Variants in AGBL4 observed in about 807,000 individuals in gnomAD.
The protein encoded by AGBL4 is cytosolic carboxypeptidase 6.
AGBL4 carries 58 observed loss-of-function variants against 66.4 expected under a neutral mutation model. The observed-to-expected ratio is 0.87, with a 90% CI of 0.71 to 1.09. The LOEUF is 1.09. AGBL4 is among the 50% of genes least tolerant of loss of function. The pLI, the probability that AGBL4 is intolerant of heterozygous loss-of-function variation, is 0.00. For missense variants in AGBL4, 579 were observed against 631.0 expected, an observed-to-expected ratio of 0.92 and a Z score of 0.88; for synonymous variants, 234 against 222.9, an observed-to-expected ratio of 1.05 and a Z score of -0.44.
At chr1:49,369,720 A>T (rs1050080856) in intron 3 of AGBL4, among the ~76,000 whole-genome samples, 2 of 152,124 alleles carry the variant, frequency 1.3e-5, no homozygotes, top group Non-Finnish European at 2.9e-5. Context: ...AAGATGAGGA[A>T]AAAAACACTG....
intron 2 of AGBL4, among the ~76,000 whole-genome samples, chr1:49,838,483 G>A (rs971810407): frequency 1.3e-5 from 2 of 152,144 alleles, no homozygotes; most frequent in Admixed American, 1.3e-4. Context: ...GGTGGAAAAT[G>A]GAATTAATTG....
chr1:50,022,181 A>G (rs1314781263), intron 1 of AGBL4, among the ~76,000 whole-genome samples: 1 of 152,218 alleles, frequency 6.6e-6, no homozygotes, highest in African/African-American at 2.4e-5. Context: ...GAAAAGTTCT[A>G]GACATGTGGT....
intron 3 of AGBL4, among the ~76,000 whole-genome samples, chr1:49,492,787 A>G (rs1647224335): frequency 6.6e-6 from 1 of 151,966 alleles, no homozygotes; most frequent in Non-Finnish European, 1.5e-5. Context: ...CCCTGGTGTC[A>G]TGGAAGGTTA....
At position 49,622,367 on chromosome 1, in the gene AGBL4, C is replaced by T. The variant is rs1053640382; in HGVS notation, c.282+74946G>A. On this transcript the variant is annotated intron_variant, in intron 3 of 13. Transcript: ENST00000371839. ...AATGTTGGCCGGGCGCGGTGGCTCA[C>T]GCCTGTAATCCCAGCACTTTGGGAG... 2.6e-5 allele frequency among the ~76,000 whole-genome samples: 4 copies of T among 152,058 alleles called. No homozygotes were observed. The East Asian group carries it at 7.7e-4, about 29-fold the overall frequency.
chr1:49,614,593 T>C (rs1645216157), intron 3 of AGBL4, among the ~76,000 whole-genome samples: 1 of 152,192 alleles, frequency 6.6e-6, no homozygotes, highest in Non-Finnish European at 1.5e-5. Context: ...AAAAGGCATA[T>C]GTATGTTCCC....
At chr1:49,323,448 ATTTTTTT>A (rs11295329) in intron 3 of AGBL4, among the ~76,000 whole-genome samples, 2 of 114,888 alleles carry the variant, frequency 1.7e-5, no homozygotes, top group African/African-American at 3.4e-5. Flanking sequence ...TGCCTGGCTA[ATTTTTTT>A]TTTTTTTTTT....
At chr1:49,495,048 G>C (rs534587391) in intron 3 of AGBL4, among the ~76,000 whole-genome samples, 16 of 152,112 alleles carry the variant, frequency 1.1e-4, no homozygotes, top group African/African-American at 3.9e-4. Context: ...CTTAATTAGA[G>C]TTCTATTGTC....
chr1:49,659,939 CAACAA>C (rs1274360199), intron 3 of AGBL4, among the ~76,000 whole-genome samples: 1 of 152,094 alleles, frequency 6.6e-6, no homozygotes, highest in Non-Finnish European at 1.5e-5. Flanking sequence ...ACACCTTATA[CAACAA>C]TTAACTCAAG....
intron 5 of AGBL4, among the ~76,000 whole-genome samples, chr1:49,001,549 T>G (rs1661394699): frequency 6.6e-6 from 1 of 152,150 alleles, no homozygotes; most frequent in South Asian, 2.1e-4. Flanking sequence ...CATCACAAAC[T>G]ACACACCAGC....
chr1:49,281,577 T>A (rs529762438), intron 3 of AGBL4, among the ~76,000 whole-genome samples: 1 of 152,344 alleles, frequency 6.6e-6, no homozygotes, highest in East Asian at 1.9e-4. Flanking sequence ...TTTACTCAAC[T>A]TTCCAATGAT....
At chr1:49,057,298 G>T (rs1644325322) in intron 4 of AGBL4, among the ~76,000 whole-genome samples, 1 of 152,114 alleles carries the variant, frequency 6.6e-6, no homozygotes, top group Admixed American at 6.5e-5. Context: ...CGAACCTATA[G>T]TCCCAGCTAC....
At chr1:48,860,722 A>G (rs935609021) in intron 6 of AGBL4, among the ~76,000 whole-genome samples, 1 of 152,224 alleles carries the variant, frequency 6.6e-6, no homozygotes, top group Admixed American at 6.5e-5. Flanking sequence ...AATATTCCCC[A>G]GGTCCTATAC....
intron 2 of AGBL4, among the ~76,000 whole-genome samples, chr1:49,779,801 C>T (rs1644292567): frequency 2.0e-5 from 3 of 152,082 alleles, no homozygotes; most frequent in Non-Finnish European, 4.4e-5. Flanking sequence ...GAATTTTGGC[C>T]TGGACCCTGA....
chr1:49,072,641 G>A (rs543425347), intron 4 of AGBL4, among the ~76,000 whole-genome samples: 4 of 152,156 alleles, frequency 2.6e-5, no homozygotes, highest in Non-Finnish European at 5.9e-5. Flanking sequence ...CCCTTTGTGA[G>A]TAACCTGACC....
chr1:49,991,761 G>GT (rs924072545), intron 1 of AGBL4, among the ~76,000 whole-genome samples: 1 of 151,868 alleles, frequency 6.6e-6, no homozygotes, highest in African/African-American at 2.4e-5. Flanking sequence ...TGACAACTTA[G>GT]TTTTTTTTAA....
At chr1:49,023,675 G>T (rs1468914745) in intron 5 of AGBL4, among the ~76,000 whole-genome samples, 1 of 152,122 alleles carries the variant, frequency 6.6e-6, no homozygotes, top group Non-Finnish European at 1.5e-5. Flanking sequence ...AAGGTGAGAA[G>T]CCCTGGAATC....
chr1:48,992,658 G>A (rs1571179668), intron 5 of AGBL4, among the ~76,000 whole-genome samples: 1 of 152,258 alleles, frequency 6.6e-6, no homozygotes, highest in East Asian at 1.9e-4. Context: ...TCTACTTGGT[G>A]CTCCATTCTA....
intron 3 of AGBL4, among the ~76,000 whole-genome samples, chr1:49,559,926 C>T (rs1309906350): frequency 6.6e-6 from 1 of 152,126 alleles, no homozygotes; most frequent in South Asian, 2.1e-4. Context: ...TATCCTATTA[C>T]TTCTGTCTCT....
intron 8 of AGBL4, among the ~76,000 whole-genome samples, chr1:48,652,149 C>T (rs1645941064): frequency 6.6e-6 from 1 of 152,092 alleles, no homozygotes; most frequent in African/African-American, 2.4e-5. Flanking sequence ...CTGCAGTGAG[C>T]CATGACTGCA....
Sources: allele counts gnomAD v4.1 joint callset (sites outside exome capture counted in the v4.1 genomes callset), GRCh38; gene constraint gnomAD v4.1.1; transcripts MANE v1.5; gene names NCBI Gene and HGNC (gene_info 2026-07-23, HGNC 2026-07-21).